The following CYLD variants were observed in gnomAD, a reference collection of about 807,000 sequenced individuals.
CYLD encodes the protein CYLD lysine 63 deubiquitinase.
In CYLD, 26 loss-of-function variants were observed where a neutral mutation model predicts 104.5. That is an observed-to-expected ratio of 0.25 (90% CI 0.18 to 0.35). The LOEUF is 0.35. Ranked by LOEUF, CYLD falls within the 10% of genes least tolerant of loss-of-function variation. The probability of loss-of-function intolerance (pLI) is 1.00; values close to 1 mark genes in which losing one functional copy is unlikely to be tolerated. For missense variants in CYLD, 703 were observed against 1,136.1 expected, an observed-to-expected ratio of 0.62 and a Z score of 5.48; for synonymous variants, 385 against 399.9, an observed-to-expected ratio of 0.96 and a Z score of 0.45.
At chr16:50,743,546 A>G (rs181241605) in intron 2 of CYLD, among the ~76,000 whole-genome samples, 1 of 152,374 alleles carries the variant, frequency 6.6e-6, no homozygotes, top group African/African-American at 2.4e-5. Flanking sequence ...TTAAGCAGCA[A>G]TGATTTTTAT....
At chr16:50,796,024 G>A (rs557632818) in intron 18 of CYLD, among the ~76,000 whole-genome samples, 15 of 152,142 alleles carry the variant, frequency 9.9e-5, no homozygotes, top group Non-Finnish European at 1.9e-4. Context: ...ACAGAGTGTC[G>A]TCTACATATG....
At chr16:50,778,005 G>GT (rs1567445040) in intron 8 of CYLD, 64 bp downstream of exon 8, 1 of 946,342 alleles carries the variant, frequency 1.1e-6, no homozygotes, top group African/African-American at 1.6e-5. Flanking sequence ...GAGAAAAATG[G>GT]TTTTTTATAT....
chr16:50,796,795 A>G lies in CYLD; in HGVS notation c.*287A>G. 1 of 419,242 alleles carries G rather than the reference A, an allele frequency of 2.4e-6. No homozygotes were observed. Among genetic ancestry groups the G allele is most frequent in the Non-Finnish European group, 4.4e-6 (1 of 227,052 alleles). The allele number at this position is 419,242 out of a possible 1,614,324, so 26.0% of individuals were successfully genotyped here. ...AAGTTAAGTGCATTGATCATATGAT[A>G]TTTTTGGAAGCATACAATTTTAATT... On this transcript the variant is annotated 3_prime_UTR_variant, in exon 19 of 19. Transcript: ENST00000427738.
chr16:50,760,578 T>C (rs1967788823), intron 5 of CYLD, among the ~76,000 whole-genome samples: 2 of 152,178 alleles, frequency 1.3e-5, no homozygotes, highest in African/African-American at 4.8e-5. Flanking sequence ...TGCTTTATTC[T>C]CTTAATTTTA....
intron 14 of CYLD, 103 bp from the exon 15 acceptor site, chr16:50,791,455 T>G: frequency 8.1e-7 from 1 of 1,228,894 alleles, no homozygotes; most frequent in Non-Finnish European, 1.2e-6. Flanking sequence ...CACCATCAAT[T>G]TTATGGTTTT....
intron 17 of CYLD, 109 bp downstream of exon 17, chr16:50,793,773 T>TAA (rs1019208413): frequency 6.1e-6 from 5 of 815,822 alleles, no homozygotes; most frequent in African/African-American, 5.1e-5. Flanking sequence ...AATTAACGGT[T>TAA]AAAAATTCAC....
chr16:50,769,501 G>T (rs1270216289), intron 5 of CYLD, among the ~76,000 whole-genome samples: 2 of 152,024 alleles, frequency 1.3e-5, no homozygotes, highest in African/African-American at 2.4e-5. Flanking sequence ...AAAGTCTTTG[G>T]CCGATTATTA....
rs1970047714 is a variant in CYLD, at chr16:50,779,858, T to C, written c.1332T>C (p.Ser444=). 6.2e-7 allele frequency: 1 copy of C among 1,613,780 alleles called. No homozygotes were observed. Among genetic ancestry groups the C allele is most frequent in the Non-Finnish European group, 8.5e-7 (1 of 1,179,986 alleles). The part of the protein sequence containing the change: ...GHSPLSLSAQ[S]VMEELNTAPV... Reference sequence around the variant, plus strand: ...GTCCACTTTCTCTGTCAGCCCAGTCTGTAATGGAAGAGCTAAACACTGCAC... The same window carrying C: ...GTCCACTTTCTCTGTCAGCCCAGTCCGTAATGGAAGAGCTAAACACTGCAC... Residue 444 remains serine (S), a synonymous_variant, in exon 9 of 19, where the codon TCT becomes TCC. Transcript: ENST00000427738.
At chr16:50,755,419 G>A (rs535631460) in intron 5 of CYLD, among the ~76,000 whole-genome samples, 3 of 151,984 alleles carry the variant, frequency 2.0e-5, no homozygotes, top group Non-Finnish European at 4.4e-5. Flanking sequence ...TGGATCAAAC[G>A]CTAGAGCTAC....
chr16:50,782,264 A>C, intron 10 of CYLD, 61 bp from the exon 11 acceptor site: 1 of 1,235,858 alleles, frequency 8.1e-7, no homozygotes, highest in Non-Finnish European at 1.1e-6. Context: ...TTATGGGAAT[A>C]CATATTGTAA....
chr16:50,745,617 G>A (rs1966127344), intron 2 of CYLD, among the ~76,000 whole-genome samples: 1 of 151,820 alleles, frequency 6.6e-6, no homozygotes, highest in South Asian at 2.1e-4. Flanking sequence ...GTGCGGTAGT[G>A]CTATCACAGC....
At chr16:50,781,435 T>G (rs1260573105) in intron 10 of CYLD, 24 bp downstream of exon 10, 2 of 1,612,272 alleles carry the variant, frequency 1.2e-6, no homozygotes, top group African/African-American at 2.7e-5. Flanking sequence ...TTTTGTTTAC[T>G]TAACAACCTG....
In CYLD at chr16:50,794,532, C is replaced by T. The variant is rs1468822713; in HGVS notation, c.2686+104C>T. 2.7e-6 allele frequency: 3 copies of T among 1,118,950 alleles called. No individual in the cohort carries two copies. The highest frequency in any genetic ancestry group is 4.1e-6 in the Non-Finnish European group (3 of 737,286). The allele number at this position is 1,118,950 out of a possible 1,614,324, so 69.3% of individuals were successfully genotyped here. A position where few individuals can be genotyped will look rare whatever the true frequency, so the allele number is the denominator to read the frequency against. On this transcript the variant is annotated intron_variant, in intron 18 of 18. Transcript: ENST00000427738. The surrounding 1 kb of genome is among the most constrained non-coding windows in gnomAD (Gnocchi z 4.1). ...TCTGAGTGATATTTTCTGAGAAAAT[C>T]CTTTCAGGATTATTCTGGTGACAAC...
Position 50,749,652 on chromosome 16 carries a change from T to C in CYLD, c.-47T>C. On this transcript the variant is annotated 5_prime_UTR_variant, in exon 3 of 19. Transcript: ENST00000427738. The stretch of plus-strand genomic sequence containing the variant: ...CTTTTGCGGTTTTATGACAAAGTTA[T>C]TAGTAGTTTCCCTTTTTTGAATTAG... The C allele has an allele frequency of 6.3e-7, 1 of 1,591,950 alleles. No individual in the cohort carries two copies. Among genetic ancestry groups the C allele is most frequent in the Non-Finnish European group, 8.6e-7 (1 of 1,164,656 alleles).
At chr16:50,778,205 TC>T (rs1969876222) in intron 8 of CYLD, 1 of 329,556 alleles carries the variant, frequency 3.0e-6, no homozygotes, top group Non-Finnish European at 5.6e-6. Context: ...TCTGGTTCCT[TC>T]CTGACCTCTT....
At chr16:50,764,645 T>G (rs1379618057) in intron 5 of CYLD, among the ~76,000 whole-genome samples, 1 of 152,234 alleles carries the variant, frequency 6.6e-6, no homozygotes, top group Non-Finnish European at 1.5e-5. Context: ...TATGCTACTA[T>G]TTTTACTGTG....
chr16:50,791,988 C>A (rs1432187518), intron 15 of CYLD, among the ~76,000 whole-genome samples: 1 of 152,136 alleles, frequency 6.6e-6, no homozygotes, highest in Admixed American at 6.5e-5. Context: ...TTTAAAATGC[C>A]ATTTTATGCA....
chr16:50,787,571 C>CA (rs1236647876), intron 13 of CYLD: 1 of 484,878 alleles, frequency 2.1e-6, no homozygotes, highest in Non-Finnish European at 3.7e-6. Context: ...GTAATAAACT[C>CA]ACAACAAAAT....
intron 4 of CYLD, among the ~76,000 whole-genome samples, chr16:50,752,414 T>C (rs1036607492): frequency 5.3e-5 from 8 of 152,174 alleles, no homozygotes; most frequent in African/African-American, 1.9e-4. Flanking sequence ...TAATCATTTA[T>C]AGAAAATACC....
Sources: gnomAD v4.1 joint callset for allele counts (sites outside exome capture counted in the v4.1 genomes callset) on GRCh38, gnomAD v4.1.1 for gene constraint, Gnocchi (gnomAD v3.1) non-coding constraint, MANE v1.5 for transcripts, NCBI Gene and HGNC (gene_info 2026-07-23, HGNC 2026-07-21) for gene names.